The following USH2A variants were observed in gnomAD, a reference collection of about 807,000 sequenced individuals.
USH2A encodes Usher syndrome 2A (autosomal recessive, mild).
A neutral mutation model predicts 538.9 loss-of-function variants in USH2A; 443 were observed. The ratio of observed to expected loss-of-function variants is 0.82; its 90% CI spans 0.76 to 0.89. The LOEUF (loss-of-function observed/expected upper bound fraction) is 0.89. USH2A is among the 40% of genes least tolerant of loss of function. The probability of loss-of-function intolerance (pLI) is 0.00; values close to 1 mark genes in which losing one functional copy is unlikely to be tolerated. For synonymous variants in USH2A, 2,413 were observed against 2,273.5 expected, an observed-to-expected ratio of 1.06 and a Z score of -1.75; for missense variants, 6,633 against 6,324.8, an observed-to-expected ratio of 1.05 and a Z score of -1.65.
chr1:216,133,548 A>G (rs544441068), intron 21 of USH2A, among the ~76,000 whole-genome samples: 1 of 152,198 alleles, frequency 6.6e-6, no homozygotes, highest in South Asian at 2.1e-4. Flanking sequence ...CCTCATTGTG[A>G]TCGTTGACTG....
At chr1:215,794,416 C>T (rs543353485) in intron 50 of USH2A, among the ~76,000 whole-genome samples, 1 of 151,996 alleles carries the variant, frequency 6.6e-6, no homozygotes, top group Non-Finnish European at 1.5e-5. Context: ...GGCTTAGGAA[C>T]GATATTATGA....
intron 69 of USH2A, 145 bp downstream of exon 69, chr1:215,639,010 A>C: frequency 2.3e-6 from 2 of 874,696 alleles, no homozygotes; most frequent in South Asian, 3.0e-5. Context: ...AAAACAAAAA[A>C]AAAAACTCTG....
At chr1:216,373,714 T>C (rs1023902389) in intron 3 of USH2A, among the ~76,000 whole-genome samples, 19 of 152,090 alleles carry the variant, frequency 1.2e-4, no homozygotes, top group Non-Finnish European at 2.6e-4. Flanking sequence ...CCCCAAAAAG[T>C]CTTTTATAGA....
chr1:215,967,771 T>C (rs1209936409), intron 36 of USH2A, among the ~76,000 whole-genome samples: 1 of 150,150 alleles, frequency 6.7e-6, no homozygotes, highest in South Asian at 2.1e-4. Flanking sequence ...TGTGAAAGGG[T>C]GAATGTGTTT....
intron 9 of USH2A, among the ~76,000 whole-genome samples, chr1:216,302,088 A>G (rs1412277820): frequency 6.6e-6 from 1 of 152,204 alleles, no homozygotes; most frequent in Non-Finnish European, 1.5e-5. Flanking sequence ...TAATGTTCCC[A>G]TGGCAAAGGT....
intron 21 of USH2A, among the ~76,000 whole-genome samples, chr1:216,162,466 T>A (rs1281316063): frequency 6.6e-6 from 1 of 152,084 alleles, no homozygotes; most frequent in Non-Finnish European, 1.5e-5. Flanking sequence ...TCTGCCTCTA[T>A]CGACTATTAA....
intron 32 of USH2A, among the ~76,000 whole-genome samples, chr1:216,033,853 CA>C (rs925106126): frequency 2.6e-5 from 4 of 151,938 alleles, no homozygotes; most frequent in East Asian, 3.9e-4. Flanking sequence ...ACAAGAACAG[CA>C]AAAAAGTTTG....
chr1:215,969,567 G>T (rs1667441233), intron 36 of USH2A, among the ~76,000 whole-genome samples: 1 of 150,894 alleles, frequency 6.6e-6, no homozygotes, highest in African/African-American at 2.4e-5. Flanking sequence ...TTTTTGAATG[G>T]ATAAGAAAAG....
chr1:216,287,511 T>C (rs752073230), intron 11 of USH2A, among the ~76,000 whole-genome samples: 24 of 152,184 alleles, frequency 1.6e-4, no homozygotes, highest in Non-Finnish European at 3.1e-4. Flanking sequence ...CACTGGTAGA[T>C]TGAAATTGAT....
intron 16 of USH2A, 79 bp from the exon 17 acceptor site, chr1:216,200,200 A>T: frequency 7.2e-7 from 1 of 1,396,190 alleles, no homozygotes. Flanking sequence ...CTTTCCTATC[A>T]TATTATTTAA....
chr1:215,653,179 C>T (rs935499908), intron 64 of USH2A, among the ~76,000 whole-genome samples: 5 of 152,148 alleles, frequency 3.3e-5, no homozygotes, highest in Non-Finnish European at 5.9e-5. Context: ...CTCAGCCTTC[C>T]TGTGTTACGT....
Position 216,321,975 on chromosome 1 carries a change from A to T in USH2A, c.1552T>A (p.Cys518Ser), listed in dbSNP as rs2037622555. Reference sequence around the variant, plus strand: ...TTATCGGCATGACCATGGCACTGACATCTGCAAACATGAGCATCACACACT... The same window carrying T: ...TTATCGGCATGACCATGGCACTGACTTCTGCAAACATGAGCATCACACACT... ...AVDEITISGR[C>S]QCHGHADNCD... The change falls in exon 9 of 72, where the codon TGT (cysteine) becomes AGT (serine). Residue 518 changes from cysteine to serine, a missense_variant and splice_region_variant. Transcript: ENST00000307340. 1.2e-6 allele frequency: 2 copies of T among 1,613,856 alleles called. No homozygotes were observed. The highest frequency in any genetic ancestry group is 8.5e-7 in the Non-Finnish European group (1 of 1,179,826).
chr1:215,954,457 C>T (rs186161659), intron 37 of USH2A, among the ~76,000 whole-genome samples: 8 of 151,188 alleles, frequency 5.3e-5, no homozygotes, highest in East Asian at 3.9e-4. Context: ...AGCAAACTAT[C>T]GCAAGGACAA....
chr1:215,900,316 A>C (rs1164242250), intron 39 of USH2A, 99 bp from the exon 40 acceptor site: 1 of 1,270,678 alleles, frequency 7.9e-7, no homozygotes, highest in Non-Finnish European at 1.1e-6. Flanking sequence ...GGATGTCAAC[A>C]TACATTTAAG....
chr1:215,867,491 A>G (rs1260547809), intron 43 of USH2A, among the ~76,000 whole-genome samples: 1 of 152,240 alleles, frequency 6.6e-6, no homozygotes, highest in Admixed American at 6.5e-5. Flanking sequence ...TGAGGATTAC[A>G]GCTCAATTCA....
intron 3 of USH2A, among the ~76,000 whole-genome samples, chr1:216,369,669 T>C (rs2038663823): frequency 1.3e-5 from 2 of 151,990 alleles, no homozygotes; most frequent in South Asian, 4.2e-4. Context: ...TCCTAGAACT[T>C]TGGGAGGCTG....
chr1:216,354,254 T>C lies in USH2A; in HGVS notation c.784+10699A>G, dbSNP rs376923838. Among the ~76,000 whole-genome samples, 7 of 152,244 alleles carry C rather than the reference T, an allele frequency of 4.6e-5. No individual in the cohort carries two copies. In the South Asian group the frequency reaches 8.3e-4, roughly 18 times the overall value. On this transcript the variant is annotated intron_variant, in intron 4 of 71. Transcript: ENST00000307340. ...ATAGAACCAGCAGTGCTCTTCTTTG[T>C]AAAGGGAAAAACGCCAAAAAATATG...
chr1:216,355,587 C>T (rs1474979932), intron 4 of USH2A, among the ~76,000 whole-genome samples: 1 of 152,008 alleles, frequency 6.6e-6, no homozygotes, highest in Admixed American at 6.6e-5. Flanking sequence ...CTTCAGCAGG[C>T]TGAGCTACAA....
At chr1:216,139,388 G>C (rs752705482) in intron 21 of USH2A, among the ~76,000 whole-genome samples, 6 of 150,302 alleles carry the variant, frequency 4.0e-5, no homozygotes, top group Non-Finnish European at 7.4e-5. Context: ...GCTGACTCAA[G>C]GTGTTGAATT....
Sources: allele counts gnomAD v4.1 joint callset (sites outside exome capture counted in the v4.1 genomes callset), GRCh38; gene constraint gnomAD v4.1.1; transcripts MANE v1.5; gene names NCBI Gene and HGNC (gene_info 2026-07-23, HGNC 2026-07-21).